LPA: variants seen among roughly 807,000 people sequenced by gnomAD.
LPA encodes apolipoprotein(a).
LPA carries 199 observed loss-of-function variants against 197.9 expected under a neutral mutation model. That is an observed-to-expected ratio of 1.01 (90% CI 0.90 to 1.13). LPA has a LOEUF of 1.13. LPA is among the 50% of genes most tolerant of loss of function. The pLI, the probability that LPA is intolerant of heterozygous loss-of-function variation, is 0.00. For missense variants in LPA, 1,853 were observed against 1,785.8 expected, an observed-to-expected ratio of 1.04 and a Z score of -0.68; for synonymous variants, 715 against 639.5, an observed-to-expected ratio of 1.12 and a Z score of -1.78.
At chr6:160,600,540 G>A (rs928809923) in intron 19 of LPA, among the ~76,000 whole-genome samples, 3 of 152,196 alleles carry the variant, frequency 2.0e-5, no homozygotes, top group African/African-American at 4.8e-5. Context: ...CAATGCTGAA[G>A]ATTGCACTGA....
rs776734701 is a variant in LPA at position 160,547,971 on chromosome 6, A to G, written c.5156-34T>C. 6 of 1,611,754 alleles carry G rather than the reference A, an allele frequency of 3.7e-6. No individual in the cohort carries two copies. In the African/African-American group the frequency reaches 6.7e-5, roughly 18 times the overall value. On this transcript the variant is annotated intron_variant, in intron 31 of 38. Transcript: ENST00000316300. ...AAAAATAAAAATAAAACAGATGATTACAGACAGCCAGGCAGCCACATAGAC... is the reference window on the plus strand; with the variant it reads ...AAAAATAAAAATAAAACAGATGATTGCAGACAGCCAGGCAGCCACATAGAC...
chr6:160,615,352 T>TTC (rs1779575402), intron 14 of LPA, among the ~76,000 whole-genome samples: 4 of 122,230 alleles, frequency 3.3e-5, no homozygotes, highest in African/African-American at 1.3e-4. Flanking sequence ...TGTTTTCAGT[T>TTC]TGTGTGTGTG....
At chr6:160,615,456 GC>G (rs1779581613) in intron 14 of LPA, among the ~76,000 whole-genome samples, 1 of 114,180 alleles carries the variant, frequency 8.8e-6, no homozygotes, top group Admixed American at 7.9e-5. Context: ...AATTTGATCA[GC>G]CGGCCATACA....
intron 26 of LPA, among the ~76,000 whole-genome samples, chr6:160,583,706 T>G (rs2115036602): frequency 1.3e-5 from 2 of 152,240 alleles, no homozygotes; most frequent in South Asian, 4.2e-4. Flanking sequence ...TGGAGCTCCT[T>G]TTCTCCACAA....
At chr6:160,555,290 T>TTATATTATATTATAG in intron 30 of LPA, among the ~76,000 whole-genome samples, 1 of 103,552 alleles carries the variant, frequency 9.7e-6, no homozygotes, top group South Asian at 3.0e-4. Flanking sequence ...TTATATTATA[T>TTATATTATATTATAG]GTTAGTGTGT....
chr6:160,593,971 A>T lies in LPA; in HGVS notation c.3616T>A (p.Tyr1206Asn), dbSNP rs747100238. Reference sequence around the variant, plus strand: ...TCAAGGTTGTACCCATTTGGATAATATTCTGTTGTCCTCTGATGCCAGTGT... The same window carrying T: ...TCAAGGTTGTACCCATTTGGATAATTTTCTGTTGTCCTCTGATGCCAGTGT... ...TPHWHQRTTE[Y>N]YPNGGLTRNY... Residue 1206 changes from tyrosine to asparagine, a missense_variant, in exon 22 of 39, where the codon TAT becomes AAT. Around this residue, in one of 3 missense-constraint regions of LPA, gnomAD observed 1,737 missense variants for 1,504.4 expected, o/e 1.15. Coordinates refer to ENST00000316300, the MANE Select transcript of LPA (RefSeq NM_005577.4). 2.5e-6 allele frequency: 4 copies of T among 1,613,776 alleles called. No individual in the cohort carries two copies. In the African/African-American group the frequency reaches 4.0e-5, roughly 16 times the overall value.
chr6:160,605,870 AC>A (rs1433939239), intron 17 of LPA, among the ~76,000 whole-genome samples: 1 of 152,170 alleles, frequency 6.6e-6, no homozygotes, highest in Non-Finnish European at 1.5e-5. Flanking sequence ...TTCTATCCAG[AC>A]CGCTCACAGG....
intron 28 of LPA, among the ~76,000 whole-genome samples, chr6:160,560,570 A>G (rs1420550809): frequency 6.6e-6 from 1 of 151,712 alleles, no homozygotes; most frequent in African/African-American, 2.4e-5. Flanking sequence ...CATGTTTGTC[A>G]GCCACATAAA....
chr6:160,598,183 G>A (rs1361720258), intron 20 of LPA, among the ~76,000 whole-genome samples: 1 of 152,100 alleles, frequency 6.6e-6, no homozygotes, highest in Non-Finnish European at 1.5e-5. Context: ...CTGTTCCCTT[G>A]TAGTTGTTGT....
chr6:160,662,383 C>G (rs1780241429), intron 1 of LPA, among the ~76,000 whole-genome samples: 1 of 152,136 alleles, frequency 6.6e-6, no homozygotes, highest in Non-Finnish European at 1.5e-5. Context: ...GAAGATGTTT[C>G]TCCGCTTCTC....
rs974061822 is a variant in LPA, at chr6:160,558,135, G to A, written c.4632-564C>T. ...AGGGTTTCACCGTGTTAGCCAGGAT[G>A]GTCTCAATCTCCTGACCTCGTGATC... On this transcript the variant is annotated intron_variant, in intron 28 of 38. Transcript: ENST00000316300. Among the ~76,000 whole-genome samples the A allele has an allele frequency of 2.6e-5, 4 of 152,022 alleles. No homozygotes were observed. The South Asian group carries it at 6.2e-4, about 24-fold the overall frequency.
intron 19 of LPA, among the ~76,000 whole-genome samples, chr6:160,599,913 C>T (rs776668373): frequency 1.4e-4 from 21 of 152,292 alleles, no homozygotes; most frequent in Non-Finnish European, 2.8e-4. Context: ...CAGATTGCTT[C>T]TCATCGGAAA....
At chr6:160,591,176 G>A (rs1011841894) in intron 22 of LPA, 75 bp from the exon 23 acceptor site, 8 of 1,580,368 alleles carry the variant, frequency 5.1e-6, no homozygotes, top group Non-Finnish European at 5.2e-6. Flanking sequence ...TCTACATTTT[G>A]TTGTAACAAA....
At chr6:160,545,577 G>A (rs769453068) in intron 32 of LPA, 44 bp from the exon 33 acceptor site, 7 of 1,147,700 alleles carry the variant, frequency 6.1e-6, no homozygotes, top group East Asian at 2.3e-5. Flanking sequence ...CGTGGAGCAG[G>A]AGAGGGAGAA....
intron 34 of LPA, among the ~76,000 whole-genome samples, chr6:160,542,341 A>G (rs576098269): frequency 4.9e-4 from 75 of 152,290 alleles, no homozygotes; most frequent in African/African-American, 1.7e-3. Context: ...CACATTTCTA[A>G]AAACTTCCCT....
At chr6:160,599,820 C>A (rs924352336) in intron 19 of LPA, among the ~76,000 whole-genome samples, 161 bp from the exon 20 acceptor site, 1 of 152,098 alleles carries the variant, frequency 6.6e-6, no homozygotes, top group African/African-American at 2.4e-5. Context: ...CAAACAAACA[C>A]GAAAGTAAGA....
At chr6:160,606,160 T>A (rs544500039) in intron 17 of LPA, among the ~76,000 whole-genome samples, 1 of 151,700 alleles carries the variant, frequency 6.6e-6, no homozygotes, top group Non-Finnish European at 1.5e-5. Context: ...TTGGAAAGAG[T>A]CACACATCTG....
intron 4 of LPA, among the ~76,000 whole-genome samples, chr6:160,643,035 G>C (rs1779864400): frequency 2.1e-5 from 3 of 141,576 alleles, no homozygotes; most frequent in Admixed American, 7.3e-5. Context: ...GTCTGTGTGT[G>C]TTAGAACTTG....
intron 28 of LPA, among the ~76,000 whole-genome samples, chr6:160,567,570 T>C (rs908132681): frequency 2.0e-5 from 3 of 151,932 alleles, no homozygotes; most frequent in Admixed American, 1.3e-4. Context: ...CACCCTAACA[T>C]CACCATTAAA....
Sources: gnomAD v4.1 joint callset for allele counts (sites outside exome capture counted in the v4.1 genomes callset) on GRCh38, gnomAD v4.1.1 for gene constraint, gnomAD v4.1.1 regional missense constraint, MANE v1.5 for transcripts, NCBI Gene and HGNC (gene_info 2026-07-23, HGNC 2026-07-21) for gene names.